Variants in BATF observed in about 807,000 individuals in gnomAD.
The protein encoded by BATF is basic leucine zipper ATF-like transcription factor.
In BATF, 5 loss-of-function variants were observed where a neutral mutation model predicts 13.7. That is an observed-to-expected ratio of 0.36 (90% confidence interval 0.19 to 0.77). The LOEUF (loss-of-function observed/expected upper bound fraction) is 0.77, where lower values mean the gene tolerates loss of function less well. Among genes scored for constraint, BATF ranks in the 30% least tolerant of loss-of-function variants. The probability of loss-of-function intolerance (pLI) is 0.51; values close to 1 mark genes in which losing one functional copy is unlikely to be tolerated. For synonymous variants in BATF, 72 were observed against 67.5 expected, an observed-to-expected ratio of 1.07 and a Z score of -0.33; for missense variants, 124 against 163.0, an observed-to-expected ratio of 0.76 and a Z score of 1.30.
intron 2 of BATF, among the ~76,000 whole-genome samples, chr14:75,541,498 C>A (rs374828405): frequency 6.6e-6 from 1 of 152,142 alleles, no homozygotes; most frequent in Admixed American, 6.5e-5. Context: ...GGCCAGGTGA[C>A]CCCCTCTCCA....
intron 2 of BATF, among the ~76,000 whole-genome samples, chr14:75,529,361 C>T (rs568973742): frequency 2.8e-4 from 42 of 152,276 alleles, no homozygotes; most frequent in African/African-American, 7.7e-4. Context: ...GGGCTGGGCA[C>T]GGTGGCTCAC....
chr14:75,525,659 CAAAAA>C (rs35718974), intron 2 of BATF, among the ~76,000 whole-genome samples: 2 of 105,488 alleles, frequency 1.9e-5, no homozygotes, highest in Non-Finnish European at 2.0e-5. Flanking sequence ...AACTTCATCT[CAAAAA>C]AAAAAAAAAA....
chr14:75,542,779 G>T (rs1310242571), intron 2 of BATF, among the ~76,000 whole-genome samples: 2 of 152,254 alleles, frequency 1.3e-5, no homozygotes, highest in Non-Finnish European at 2.9e-5. Flanking sequence ...ATCACTGGCG[G>T]TGGTTTTCTG....
chr14:75,525,065 C>T lies in BATF; in HGVS notation c.64-19C>T. 3 of 1,597,060 alleles carry T rather than the reference C, an allele frequency of 1.9e-6. No homozygotes were observed. The South Asian group carries it at 3.4e-5, about 18-fold the overall frequency. ...GGGAGATGCAGACCCATGTAATCCT[C>T]CCCGTCTCTGCTTCCCAGGACTCAT... On this transcript the variant is annotated intron_variant, in intron 1 of 2. Coordinates refer to ENST00000286639, the MANE Select transcript of BATF (RefSeq NM_006399.5).
At chr14:75,537,793 G>C (rs935457712) in intron 2 of BATF, among the ~76,000 whole-genome samples, 1 of 151,492 alleles carries the variant, frequency 6.6e-6, no homozygotes, top group Admixed American at 6.6e-5. Flanking sequence ...TACTATAAAT[G>C]ATAAAATAAA....
At chr14:75,531,594 C>T (rs1003612850) in intron 2 of BATF, among the ~76,000 whole-genome samples, 1 of 152,112 alleles carries the variant, frequency 6.6e-6, no homozygotes, top group African/African-American at 2.4e-5. Flanking sequence ...GAAGGAGTCT[C>T]ACACCAGTAT....
rs981171095 is a variant in BATF at position 75,525,259 on chromosome 14, A to G, written c.168+71A>G. ...CCCTCCGCCATCTGGGAACCCTTGG[A>G]CCATAGCTTTGATTCTGCTTGTGTG... On this transcript the variant is annotated intron_variant, in intron 2 of 2. Transcript: ENST00000286639. 4 of 1,474,320 alleles carry G rather than the reference A, an allele frequency of 2.7e-6. No homozygotes were observed. The South Asian group carries it at 3.6e-5, about 13-fold the overall frequency. 91.3% of individuals were successfully genotyped at this position (1,474,320 alleles called of 1,614,324 possible). A position where few individuals can be genotyped will look rare whatever the true frequency, so the allele number is the denominator to read the frequency against.
intron 2 of BATF, among the ~76,000 whole-genome samples, chr14:75,538,258 T>C (rs1887845499): frequency 3.3e-5 from 5 of 152,186 alleles, no homozygotes; most frequent in Admixed American, 3.3e-4. Context: ...CCTGGCCTTA[T>C]GTTATTATTA....
At chr14:75,523,183 G>A (rs1887599707) in intron 1 of BATF, among the ~76,000 whole-genome samples, 1 of 146,086 alleles carries the variant, frequency 6.8e-6, no homozygotes, top group Non-Finnish European at 1.5e-5. Context: ...AATAGGGAAG[G>A]GGAGAAAAGG....
At chr14:75,527,636 C>T (rs921111019) in intron 2 of BATF, among the ~76,000 whole-genome samples, 8 of 152,118 alleles carry the variant, frequency 5.3e-5, no homozygotes, top group East Asian at 3.8e-4. Flanking sequence ...TGTCAGAGCC[C>T]AAAGAGTCAG....
chr14:75,526,820 C>T (rs1345747936), intron 2 of BATF, among the ~76,000 whole-genome samples: 1 of 152,186 alleles, frequency 6.6e-6, no homozygotes, highest in African/African-American at 2.4e-5. Flanking sequence ...TGATCCTTAC[C>T]TCTTTCTCTA....
chr14:75,544,792 A>ATTTTTT (rs55834315), intron 2 of BATF, among the ~76,000 whole-genome samples: 64 of 134,174 alleles, frequency 4.8e-4, no homozygotes, highest in Non-Finnish European at 6.9e-4. Flanking sequence ...TTGAACTGAA[A>ATTTTTT]TTTTTTTTTT....
At position 75,529,804 on chromosome 14, in the gene BATF, G is replaced by A. The variant is rs536034336; in HGVS notation, c.168+4616G>A. ...CAATGGGCCGGGCGCGGCGGCTCAC[G>A]CCTTAATCCCAGCAATTTGGGAGGC... On this transcript the variant is annotated intron_variant, in intron 2 of 2. Transcript: ENST00000286639. Among the ~76,000 whole-genome samples, 38 of 152,260 alleles carry A rather than the reference G, an allele frequency of 2.5e-4. No homozygotes were observed. In the South Asian group the frequency reaches 5.2e-3, roughly 21 times the overall value.
At chr14:75,529,220 G>C (rs1887697323) in intron 2 of BATF, among the ~76,000 whole-genome samples, 1 of 152,092 alleles carries the variant, frequency 6.6e-6, no homozygotes, top group African/African-American at 2.4e-5. Context: ...CACAAATACA[G>C]AAATCAAAAC....
intron 2 of BATF, among the ~76,000 whole-genome samples, chr14:75,535,547 G>A (rs1839130825): frequency 6.6e-6 from 1 of 152,088 alleles, no homozygotes; most frequent in African/African-American, 2.4e-5. Flanking sequence ...AGAAACAGAA[G>A]AAAATGGCCA....
intron 2 of BATF, among the ~76,000 whole-genome samples, chr14:75,529,830 C>T (rs1474379351): frequency 1.3e-5 from 2 of 151,982 alleles, no homozygotes; most frequent in African/African-American, 2.4e-5. Context: ...TTTGGGAGGC[C>T]GAGGCGGGCG....
At chr14:75,545,701 C>T (rs770566228) in intron 2 of BATF, among the ~76,000 whole-genome samples, 11 of 152,034 alleles carry the variant, frequency 7.2e-5, no homozygotes, top group South Asian at 2.1e-4. Context: ...TTCTCACAAA[C>T]GACCTTCCAT....
intron 2 of BATF, among the ~76,000 whole-genome samples, chr14:75,545,436 T>C (rs1009212494): frequency 2.5e-4 from 35 of 141,822 alleles, no homozygotes; most frequent in African/African-American, 9.2e-4. Context: ...GGTTTCACCA[T>C]GTTGGCCAGG....
chr14:75,538,090 C>T (rs1216463158), intron 2 of BATF, among the ~76,000 whole-genome samples: 1 of 152,190 alleles, frequency 6.6e-6, no homozygotes, highest in African/African-American at 2.4e-5. Flanking sequence ...TCCCAAATAG[C>T]TGGGACTACA....
Sources: allele counts gnomAD v4.1 joint callset (sites outside exome capture counted in the v4.1 genomes callset), GRCh38; gene constraint gnomAD v4.1.1; transcripts MANE v1.5; gene names NCBI Gene and HGNC (gene_info 2026-07-23, HGNC 2026-07-21).